The following SEMA3A variants were observed in gnomAD, a reference collection of about 807,000 sequenced individuals.
The protein encoded by SEMA3A is semaphorin 3A.
Under a neutral mutation model 97.9 loss-of-function variants are expected in SEMA3A, and 29 were observed. The observed-to-expected ratio is 0.30, with a 90% confidence interval of 0.22 to 0.40. SEMA3A has a LOEUF of 0.40. Ranked by LOEUF, SEMA3A falls within the 10% of genes least tolerant of loss-of-function variation. The probability of loss-of-function intolerance (pLI) is 1.00; values close to 1 mark genes in which losing one functional copy is unlikely to be tolerated. For missense variants in SEMA3A, 763 were observed against 951.3 expected, an observed-to-expected ratio of 0.80 and a Z score of 2.60; for synonymous variants, 321 against 323.7, an observed-to-expected ratio of 0.99 and a Z score of 0.09.
chr7:84,192,551 T>C (rs2116272555), intron 1 of SEMA3A, among the ~76,000 whole-genome samples: 1 of 152,056 alleles, frequency 6.6e-6, no homozygotes, highest in Admixed American at 6.6e-5. Flanking sequence ...ATATACACCT[T>C]GCTAATATAT....
At chr7:84,035,284 TAC>T (rs1264092956) in intron 6 of SEMA3A, among the ~76,000 whole-genome samples, 8 of 152,180 alleles carry the variant, frequency 5.3e-5, no homozygotes, top group African/African-American at 1.9e-4. Flanking sequence ...AAACACAATT[TAC>T]ACATTTACAT....
intron 6 of SEMA3A, among the ~76,000 whole-genome samples, chr7:84,030,731 T>C (rs1014316853): frequency 1.3e-5 from 2 of 152,190 alleles, no homozygotes; most frequent in African/African-American, 4.8e-5. Flanking sequence ...TTAAGAACTT[T>C]AATTGGGATT....
intron 6 of SEMA3A, among the ~76,000 whole-genome samples, chr7:84,037,258 A>G (rs983489643): frequency 4.6e-5 from 7 of 152,084 alleles, no homozygotes; most frequent in Admixed American, 3.9e-4. Context: ...CCAGTTTTCC[A>G]TAAATACCCT....
Position 84,058,086 on chromosome 7 carries a change from G to T in SEMA3A, c.547+2379C>A, listed in dbSNP as rs1793066035. Among the ~76,000 whole-genome samples, 4 of 151,380 alleles carry T rather than the reference G, an allele frequency of 2.6e-5. No individual in the cohort carries two copies. The South Asian group carries it at 8.4e-4, about 32-fold the overall frequency. On this transcript the variant is annotated intron_variant, in intron 5 of 16. Transcript: ENST00000265362. The stretch of plus-strand genomic sequence containing the variant: ...TTTGAAACTACTTCTTTCCTAGTGG[G>T]ATTGGTGGTATAAAAAATATTTGCT...
chr7:84,027,373 G>C (rs919670695), intron 6 of SEMA3A, among the ~76,000 whole-genome samples: 1 of 151,998 alleles, frequency 6.6e-6, no homozygotes, highest in African/African-American at 2.4e-5. Context: ...TATATTTCAC[G>C]AGTTCTTTCT....
At chr7:84,399,439 C>T (rs1803836301) in intron 1 of SEMA3A, among the ~76,000 whole-genome samples, 1 of 152,180 alleles carries the variant, frequency 6.6e-6, no homozygotes, top group Non-Finnish European at 1.5e-5. Context: ...CCCAGCATGA[C>T]ACTAGCTGCA....
chr7:84,012,656 G>A (rs1057140891), intron 7 of SEMA3A, among the ~76,000 whole-genome samples: 4 of 152,114 alleles, frequency 2.6e-5, no homozygotes, highest in African/African-American at 7.2e-5. Flanking sequence ...CAAACAACAC[G>A]TTGAGAAAAT....
rs1468348984 is a variant in SEMA3A at position 84,060,528 on chromosome 7, A to G, written c.484T>C (p.Phe162Leu). The G allele has an allele frequency of 1.3e-6, 2 of 1,596,638 alleles. No individual in the cohort carries two copies. The highest frequency in any genetic ancestry group is 1.1e-5 in the South Asian group (1 of 87,122). The change falls in exon 5 of 17, where the codon TTT (phenylalanine) becomes CTT (leucine). Residue 162 changes from phenylalanine (F) to leucine (L), a missense_variant. This residue lies in a region of SEMA3A where 678 missense variants were observed against 881.3 expected (regional missense o/e 0.77). Coordinates refer to ENST00000265362, the MANE Select transcript of SEMA3A (RefSeq NM_006080.3). ...GGACTCTTCCCACGGCCGTTTTCAAAATGTGAGTTCTCCAGCTTAAAAATA... is the reference window on the plus strand; with the variant it reads ...GGACTCTTCCCACGGCCGTTTTCAAGATGTGAGTTCTCCAGCTTAAAAATA... ...DNIFKLENSH[F>L]ENGRGKSPYD...
At chr7:84,173,284 G>A (rs769756533) in intron 1 of SEMA3A, among the ~76,000 whole-genome samples, 7 of 151,930 alleles carry the variant, frequency 4.6e-5, no homozygotes, top group East Asian at 1.9e-4. Flanking sequence ...GGCCAGGCGC[G>A]GTGGCTCACG....
At chr7:84,157,835 C>T (rs919756236) in intron 1 of SEMA3A, among the ~76,000 whole-genome samples, 4 of 152,118 alleles carry the variant, frequency 2.6e-5, no homozygotes, top group African/African-American at 7.2e-5. Flanking sequence ...GACTACAGCA[C>T]TCAATGTATT....
intron 3 of SEMA3A, among the ~76,000 whole-genome samples, chr7:84,117,685 AAC>A (rs1795476287): frequency 6.6e-6 from 1 of 152,148 alleles, no homozygotes; most frequent in Non-Finnish European, 1.5e-5. Flanking sequence ...TTCACCCCAA[AAC>A]CATCCCCTTT....
chr7:84,063,831 T>C (rs1793359969), intron 4 of SEMA3A, among the ~76,000 whole-genome samples: 3 of 149,494 alleles, frequency 2.0e-5, no homozygotes, highest in African/African-American at 7.5e-5. Flanking sequence ...TGGAACCAAG[T>C]TGGAAAACAC....
chr7:84,015,118 T>C (rs376817421), intron 6 of SEMA3A, among the ~76,000 whole-genome samples: 2 of 152,186 alleles, frequency 1.3e-5, no homozygotes, highest in East Asian at 1.9e-4. Context: ...AAACTCTCAA[T>C]TGGATTTATT....
intron 3 of SEMA3A, among the ~76,000 whole-genome samples, chr7:84,203,610 C>A (rs1798415244): frequency 6.9e-6 from 1 of 144,492 alleles, no homozygotes; most frequent in African/African-American, 2.6e-5. Context: ...CGGCTCACTG[C>A]AACCTCTGTC....
intron 3 of SEMA3A, among the ~76,000 whole-genome samples, chr7:84,269,250 G>A (rs1297278184): frequency 4.6e-5 from 7 of 151,768 alleles, no homozygotes; most frequent in East Asian, 1.9e-4. Context: ...TTAATTTATC[G>A]GAGTTAAAAT....
chr7:84,177,526 A>G lies in SEMA3A; in HGVS notation c.112+16949T>C, dbSNP rs368724173. The stretch of plus-strand genomic sequence containing the variant: ...AATTATGGGAACATGTTATTCAGTA[A>G]TAATGATAAATTGTTTTTTATAGGT... On this transcript the variant is annotated intron_variant, in intron 1 of 16. Coordinates refer to ENST00000265362, the MANE Select transcript of SEMA3A (RefSeq NM_006080.3). Among the ~76,000 whole-genome samples, 3 of 152,248 alleles carry G rather than the reference A, an allele frequency of 2.0e-5. No individual in the cohort carries two copies. In the East Asian group the frequency reaches 5.8e-4, roughly 29 times the overall value.
chr7:84,440,660 G>C (rs937079674), intron 1 of SEMA3A, among the ~76,000 whole-genome samples: 7 of 152,092 alleles, frequency 4.6e-5, no homozygotes, highest in African/African-American at 1.4e-4. Flanking sequence ...GAGAAGTCTT[G>C]AGAAGACCAT....
intron 4 of SEMA3A, among the ~76,000 whole-genome samples, chr7:84,088,896 A>C (rs1794474577): frequency 6.6e-6 from 1 of 152,050 alleles, no homozygotes; most frequent in African/African-American, 2.4e-5. Context: ...GTTGCTCAGA[A>C]TGTTCTTTCA....
intron 1 of SEMA3A, among the ~76,000 whole-genome samples, chr7:84,444,045 C>A (rs1476116611): frequency 6.6e-6 from 1 of 151,900 alleles, no homozygotes; most frequent in Non-Finnish European, 1.5e-5. Flanking sequence ...TGCCACCATA[C>A]CTAGCTAATT....
Sources: allele counts gnomAD v4.1 joint callset (sites outside exome capture counted in the v4.1 genomes callset), GRCh38; gene constraint gnomAD v4.1.1; regional missense constraint gnomAD v4.1.1; transcripts MANE v1.5; gene names NCBI Gene and HGNC (gene_info 2026-07-23, HGNC 2026-07-21).